The following PDE4D variants were observed in gnomAD, a reference collection of about 807,000 sequenced individuals.
PDE4D encodes the protein 3',5'-cyclic-AMP phosphodiesterase 4D.
A neutral mutation model predicts 87.4 loss-of-function variants in PDE4D; 24 were observed. The ratio of observed to expected loss-of-function variants is 0.27; its 90% CI spans 0.20 to 0.39. The LOEUF is 0.39. PDE4D is among the 10% of genes least tolerant of loss of function. The pLI is 1.00. For missense variants in PDE4D, 714 were observed against 1,041.0 expected, an observed-to-expected ratio of 0.69 and a Z score of 4.32; for synonymous variants, 384 against 383.2, an observed-to-expected ratio of 1.00 and a Z score of -0.02.
chr5:60,496,469 AC>A (rs752714467), intron 1 of PDE4D, among the ~76,000 whole-genome samples: 9 of 152,170 alleles, frequency 5.9e-5, no homozygotes, highest in Non-Finnish European at 7.4e-5. Flanking sequence ...CATATTTGGA[AC>A]TAGAGCTTTC....
intron 1 of PDE4D, among the ~76,000 whole-genome samples, chr5:59,306,451 T>C (rs1561923080): frequency 6.6e-6 from 1 of 150,740 alleles, no homozygotes; most frequent in South Asian, 2.1e-4. Context: ...CCTGTATACT[T>C]TTGTTTTGTT....
intron 5 of PDE4D, among the ~76,000 whole-genome samples, chr5:59,169,933 A>G (rs1224336690): frequency 2.0e-5 from 3 of 152,138 alleles, no homozygotes; most frequent in African/African-American, 7.2e-5. Context: ...TTGATCAGAG[A>G]CAGGTTTGGG....
intron 3 of PDE4D, among the ~76,000 whole-genome samples, chr5:59,984,174 T>C (rs902563739): frequency 6.6e-6 from 1 of 152,208 alleles, no homozygotes; most frequent in African/African-American, 2.4e-5. Flanking sequence ...TACATGACAG[T>C]ATAAATACAT....
At chr5:59,364,291 C>A (rs1323084514) in intron 1 of PDE4D, among the ~76,000 whole-genome samples, 1 of 152,164 alleles carries the variant, frequency 6.6e-6, no homozygotes, top group Non-Finnish European at 1.5e-5. Flanking sequence ...GTTAAGTGAC[C>A]TTCCCAAGTT....
intron 1 of PDE4D, among the ~76,000 whole-genome samples, chr5:59,261,713 A>C (rs2153535850): frequency 6.6e-6 from 1 of 151,816 alleles, no homozygotes; most frequent in East Asian, 1.9e-4. Context: ...ATCTTTGAAA[A>C]CTCAAAGGCT....
At chr5:60,423,505 A>G (rs1354777282) in intron 1 of PDE4D, among the ~76,000 whole-genome samples, 1 of 152,258 alleles carries the variant, frequency 6.6e-6, no homozygotes, top group Non-Finnish European at 1.5e-5. Context: ...ACGAGAACAA[A>G]GACACAACAT....
chr5:59,781,097 C>G (rs1047576055), intron 1 of PDE4D, among the ~76,000 whole-genome samples: 2 of 139,646 alleles, frequency 1.4e-5, no homozygotes, highest in African/African-American at 5.4e-5. Context: ...ACCTGGGAGG[C>G]AGAGGTTATG....
At chr5:59,372,446 T>A (rs112111915) in intron 1 of PDE4D, among the ~76,000 whole-genome samples, 3,877 of 152,266 alleles carry the variant, frequency 0.025, 186 homozygotes, top group African/African-American at 0.089. Flanking sequence ...AAGAAAAAAA[T>A]TGTATAAATT....
In PDE4D at chr5:59,021,139, C is replaced by T. The variant is rs369872962; in HGVS notation, c.921+17720G>A. Among the ~76,000 whole-genome samples the T allele has an allele frequency of 5.7e-4, 87 of 152,232 alleles. No individual in the cohort carries two copies. The South Asian group carries it at 0.016, about 28-fold the overall frequency. ...GGGTGAGAGAAAAGCAAAGCACAAG[C>T]AACAGACCAATGTTTAGACACAGTG... On this transcript the variant is annotated intron_variant, in intron 6 of 14. Coordinates refer to ENST00000340635, the MANE Select transcript of PDE4D (RefSeq NM_001104631.2).
intron 1 of PDE4D, among the ~76,000 whole-genome samples, chr5:59,738,597 T>A (rs565984963): frequency 9.8e-4 from 149 of 152,122 alleles, no homozygotes; most frequent in African/African-American, 3.4e-3. Context: ...AAGGGTACAC[T>A]AGGGGCCCCA....
At chr5:60,418,521 C>T (rs1250028001) in intron 1 of PDE4D, among the ~76,000 whole-genome samples, 1 of 151,926 alleles carries the variant, frequency 6.6e-6, no homozygotes, top group Non-Finnish European at 1.5e-5. Context: ...TTTTATCCTT[C>T]TATAGACTAT....
intron 1 of PDE4D, among the ~76,000 whole-genome samples, chr5:60,475,375 G>T (rs1030781037): frequency 2.6e-5 from 4 of 152,052 alleles, no homozygotes; most frequent in Non-Finnish European, 5.9e-5. Context: ...TGAGATTTGG[G>T]GATTGCACAT....
chr5:60,349,750 T>G (rs1759028889), intron 1 of PDE4D, among the ~76,000 whole-genome samples: 1 of 152,192 alleles, frequency 6.6e-6, no homozygotes, highest in Non-Finnish European at 1.5e-5. Context: ...AAGTAAATCC[T>G]AAATCCTAAA....
At chr5:58,986,956 A>AAGAT (rs1003492589) in intron 11 of PDE4D, among the ~76,000 whole-genome samples, 10 of 55,012 alleles carry the variant, frequency 1.8e-4, no homozygotes, top group East Asian at 6.0e-4. Context: ...TTTGGTGTTT[A>AAGAT]AGATAGATAT....
Position 58,990,905 on chromosome 5 carries a change from G to T in PDE4D, c.1189-3C>A. 1 of 1,479,792 alleles carries T rather than the reference G, an allele frequency of 6.8e-7. No individual in the cohort carries two copies. 91.7% of individuals were successfully genotyped at this position (1,479,792 alleles called of 1,614,324 possible). A position where few individuals can be genotyped will look rare whatever the true frequency, so the allele number is the denominator to read the frequency against. ...CATTTGTTCACATCTTCTAGTTCCT[G>T]GAGTGAAAAAAAAAAAAAGATACTA... On this transcript the variant is annotated splice_polypyrimidine_tract_variant and splice_region_variant and intron_variant, in intron 8 of 14. Transcript: ENST00000340635.
intron 1 of PDE4D, among the ~76,000 whole-genome samples, chr5:59,565,190 G>GAC (rs1377700981): frequency 2.6e-5 from 4 of 152,082 alleles, no homozygotes; most frequent in Non-Finnish European, 5.9e-5. Context: ...AGGAGAATGG[G>GAC]ACAGGTGGTG....
intron 1 of PDE4D, among the ~76,000 whole-genome samples, chr5:59,651,297 T>G (rs1052331654): frequency 1.4e-5 from 2 of 146,780 alleles, no homozygotes; most frequent in Non-Finnish European, 1.5e-5. Context: ...ATAATAATAA[T>G]AATAATAATT....
intron 1 of PDE4D, among the ~76,000 whole-genome samples, chr5:60,485,646 C>T (rs188308554): frequency 1.1e-3 from 166 of 152,238 alleles, no homozygotes; most frequent in Admixed American, 3.2e-3. Flanking sequence ...CACAGTTAGA[C>T]AAAAATGGTT....
At chr5:59,209,189 A>T (rs973913703) in intron 2 of PDE4D, among the ~76,000 whole-genome samples, 10 of 150,818 alleles carry the variant, frequency 6.6e-5, no homozygotes, top group Non-Finnish European at 1.3e-4. Context: ...ATCTTTAATC[A>T]TTTTTTTTTG....
Sources: gnomAD v4.1 joint callset for allele counts (sites outside exome capture counted in the v4.1 genomes callset) on GRCh38, gnomAD v4.1.1 for gene constraint, MANE v1.5 for transcripts, NCBI Gene and HGNC (gene_info 2026-07-23, HGNC 2026-07-21) for gene names.